KNTC1: variants seen among roughly 807,000 people sequenced by gnomAD.
KNTC1 encodes kinetochore-associated protein 1.
A neutral mutation model predicts 314.4 loss-of-function variants in KNTC1; 253 were observed. The observed-to-expected ratio is 0.80, with a 90% CI of 0.73 to 0.89. The LOEUF (loss-of-function observed/expected upper bound fraction) is 0.89, where lower values mean the gene tolerates loss of function less well. Ranked by LOEUF, KNTC1 falls within the 40% of genes least tolerant of loss-of-function variation. KNTC1 has a pLI of 0.00. For synonymous variants in KNTC1, 901 were observed against 901.4 expected (o/e 1.00, Z 0.01); for missense variants, 2,475 against 2,572.9 (o/e 0.96, Z 0.82).
chr12:122,542,423 T>G (rs940376100), intron 6 of KNTC1, among the ~76,000 whole-genome samples: 1 of 152,182 alleles, frequency 6.6e-6, no homozygotes, highest in Admixed American at 6.5e-5. Flanking sequence ...GTAAATACTT[T>G]TTAATGTGGT....
At chr12:122,527,898 G>A (rs943122689) in intron 1 of KNTC1, among the ~76,000 whole-genome samples, 2 of 152,116 alleles carry the variant, frequency 1.3e-5, no homozygotes, top group African/African-American at 2.4e-5. Context: ...CTTCAGCGAC[G>A]CCTCACCTTA....
intron 51 of KNTC1, among the ~76,000 whole-genome samples, chr12:122,608,367 T>A (rs1872755711): frequency 6.6e-6 from 1 of 152,176 alleles, no homozygotes; most frequent in African/African-American, 2.4e-5. Flanking sequence ...TGAGCTTAGG[T>A]GATTCACCCA....
chr12:122,611,111 G>A, intron 53 of KNTC1: 1 of 559,364 alleles, frequency 1.8e-6, no homozygotes, highest in Non-Finnish European at 3.2e-6. Flanking sequence ...TTAGCGTGCT[G>A]AATGGTGCAC....
chr12:122,533,100 CAGTCTAGAGAGAAG>C (rs887780446), intron 2 of KNTC1, among the ~76,000 whole-genome samples: 4 of 151,372 alleles, frequency 2.6e-5, no homozygotes, highest in Non-Finnish European at 4.4e-5. Context: ...AGAAGGAGAA[CAGTCTAGAGAGAAG>C]AGTCTAGAGA....
intron 38 of KNTC1, 32 bp from the exon 39 acceptor site, chr12:122,587,679 T>C: frequency 6.5e-7 from 1 of 1,544,712 alleles, no homozygotes. Context: ...GTTTAAAAAA[T>C]CTAAATATTA....
At position 122,594,361 on chromosome 12, in the gene KNTC1, C is replaced by A. The variant is rs751039434; in HGVS notation, c.4331C>A (p.Thr1444Lys). ...CTTGTGGAGAATATAGATATGGACACAAGCCTCATTTTGGAATATTGCAGG... is the reference window on the plus strand; with the variant it reads ...CTTGTGGAGAATATAGATATGGACAAAAGCCTCATTTTGGAATATTGCAGG... ...KALVENIDMD[T>K]SLILEYCSTF... Residue 1444 changes from threonine to lysine, a missense_variant, in exon 43 of 64, where the codon ACA becomes AAA. Physicochemically the swap from Thr to Lys is moderately conservative, Grantham distance 78. Coordinates refer to ENST00000333479, the MANE Select transcript of KNTC1 (RefSeq NM_014708.6). 1 of 1,596,924 alleles carries A rather than the reference C, an allele frequency of 6.3e-7. No individual in the cohort carries two copies. Among genetic ancestry groups the A allele is most frequent in the Non-Finnish European group, 8.6e-7 (1 of 1,165,940 alleles).
At chr12:122,591,819 T>C (rs527961219) in intron 42 of KNTC1, among the ~76,000 whole-genome samples, 1 of 152,356 alleles carries the variant, frequency 6.6e-6, no homozygotes, top group East Asian at 1.9e-4. Context: ...TACAGCTATA[T>C]ACCATGCTTC....
At chr12:122,574,177 A>G in intron 26 of KNTC1, 105 bp from the exon 27 acceptor site, 1 of 606,264 alleles carries the variant, frequency 1.6e-6, no homozygotes. Context: ...TTTTTCTTTT[A>G]ACACATCTAT....
At chr12:122,556,338 T>C (rs1423041603) in intron 16 of KNTC1, among the ~76,000 whole-genome samples, 1 of 151,772 alleles carries the variant, frequency 6.6e-6, no homozygotes, top group Non-Finnish European at 1.5e-5. Context: ...TTTTGAAATA[T>C]ACATTATTAC....
intron 37 of KNTC1, 22 bp downstream of exon 37, chr12:122,585,796 A>G: frequency 6.2e-7 from 1 of 1,609,640 alleles, no homozygotes; most frequent in Non-Finnish European, 8.5e-7. Flanking sequence ...TTGTATCATT[A>G]TTTTCTATGT....
chr12:122,582,679 CT>C, intron 33 of KNTC1, 25 bp from the exon 34 acceptor site: 1 of 1,549,284 alleles, frequency 6.5e-7, no homozygotes, highest in Non-Finnish European at 8.7e-7. Flanking sequence ...AGACTTGGGA[CT>C]TTGTCTTGCT....
chr12:122,559,698 A>G (rs549337517), intron 18 of KNTC1, among the ~76,000 whole-genome samples: 16 of 152,092 alleles, frequency 1.1e-4, no homozygotes, highest in African/African-American at 3.6e-4. Flanking sequence ...TCAGCCTCTC[A>G]AGTAGCTGAG....
intron 43 of KNTC1, chr12:122,597,431 T>C (rs1566000962): frequency 3.1e-6 from 1 of 320,892 alleles, no homozygotes; most frequent in Non-Finnish European, 6.1e-6. Flanking sequence ...GTATTTTTAG[T>C]AGAGATGGGG....
Position 122,528,594 on chromosome 12 carries a change from C to T in KNTC1, c.-74+1243C>T, listed in dbSNP as rs574808512. Among the ~76,000 whole-genome samples, 6 of 152,288 alleles carry T rather than the reference C, an allele frequency of 3.9e-5. 1 individual carries two copies. In the South Asian group the frequency reaches 1.2e-3, roughly 32 times the overall value. Reference sequence around the variant, plus strand: ...AGAAAACTCCTTCAGGTGGGTACAACTAAATTAGTCCCTTGGTATTGGTAT... The same window carrying T: ...AGAAAACTCCTTCAGGTGGGTACAATTAAATTAGTCCCTTGGTATTGGTAT... On this transcript the variant is annotated intron_variant, in intron 1 of 63. Transcript: ENST00000333479.
chr12:122,618,446 G>A, intron 58 of KNTC1, 36 bp from the exon 59 acceptor site: 1 of 1,608,452 alleles, frequency 6.2e-7, no homozygotes, highest in East Asian at 2.2e-5. Context: ...AGTTGAGTGT[G>A]TGTATATCAT....
At position 122,586,748 on chromosome 12, in the gene KNTC1, C is replaced by T; in HGVS notation, c.3721C>T (p.Leu1241Phe). Residue 1241 changes from leucine to phenylalanine, a missense_variant, in exon 38 of 64, where the codon CTT (leucine) becomes TTT (phenylalanine). Physicochemically the swap from Leu to Phe is conservative, Grantham distance 22. Transcript: ENST00000333479. ...GTCTACCAGTTTGCCATACTGCTCC[C>T]TTAATGAAGGTATTTGGCACAAGAA... ...LESTSLPYCSLNEGDGLVLPV... is the reference protein window; with the variant it reads ...LESTSLPYCSFNEGDGLVLPV... The T allele has an allele frequency of 1.4e-6, 2 of 1,432,028 alleles. No individual in the cohort carries two copies. Among genetic ancestry groups the T allele is most frequent in the Non-Finnish European group, 1.9e-6 (2 of 1,063,950 alleles). 88.7% of individuals were successfully genotyped at this position (1,432,028 alleles called of 1,614,324 possible).
chr12:122,585,510 T>C, intron 36 of KNTC1, 126 bp from the exon 37 acceptor site: 1 of 1,026,652 alleles, frequency 9.7e-7, no homozygotes, highest in Non-Finnish European at 1.4e-6. Context: ...CAGCAAGGCC[T>C]CCCTCGACAT....
At chr12:122,614,199 T>C (rs557976524) in intron 55 of KNTC1, among the ~76,000 whole-genome samples, 2 of 152,298 alleles carry the variant, frequency 1.3e-5, no homozygotes, top group East Asian at 3.9e-4. Context: ...TCACAGCGTG[T>C]GGATGGATAA....
At chr12:122,528,367 G>A (rs1172407148) in intron 1 of KNTC1, among the ~76,000 whole-genome samples, 1 of 152,184 alleles carries the variant, frequency 6.6e-6, no homozygotes, top group African/African-American at 2.4e-5. Flanking sequence ...ATAAAACTAT[G>A]ATCTTCAATT....
Sources: gnomAD v4.1 joint callset for allele counts (sites outside exome capture counted in the v4.1 genomes callset) on GRCh38, gnomAD v4.1.1 for gene constraint, MANE v1.5 for transcripts, NCBI Gene and HGNC (gene_info 2026-07-23, HGNC 2026-07-21) for gene names.